GRID2: variants seen among roughly 807,000 people sequenced by gnomAD.
The protein encoded by GRID2 is glutamate ionotropic receptor delta type subunit 2, also known as glutamate receptor ionotropic, delta-2.
A neutral mutation model predicts 114.8 loss-of-function variants in GRID2; 33 were observed. That is an observed-to-expected ratio of 0.29 (90% CI 0.22 to 0.38). The LOEUF is 0.38. GRID2 is among the 10% of genes least tolerant of loss of function. The probability of loss-of-function intolerance (pLI) is 1.00; values close to 1 mark genes in which losing one functional copy is unlikely to be tolerated. For synonymous variants in GRID2, 505 were observed against 449.9 expected (o/e 1.12, Z -1.55); for missense variants, 1,184 against 1,257.7 (o/e 0.94, Z 0.89).
chr4:93,423,841 T>C (rs540824749), intron 10 of GRID2, among the ~76,000 whole-genome samples: 1 of 152,152 alleles, frequency 6.6e-6, no homozygotes, highest in African/African-American at 2.4e-5. Flanking sequence ...ATAGTTGGGT[T>C]TAGGTTTATA....
At chr4:93,244,300 A>G (rs1747885001) in intron 8 of GRID2, among the ~76,000 whole-genome samples, 1 of 151,808 alleles carries the variant, frequency 6.6e-6, no homozygotes, top group Admixed American at 6.6e-5. Flanking sequence ...TCTTCATAAA[A>G]GTGTTTTCTC....
intron 1 of GRID2, among the ~76,000 whole-genome samples, chr4:92,477,804 CATTA>C (rs1404157627): frequency 6.8e-6 from 1 of 146,670 alleles, no homozygotes; most frequent in East Asian, 1.9e-4. Context: ...ACATATAATA[CATTA>C]ATATAATTAA....
At chr4:93,050,397 A>T (rs1383544727) in intron 2 of GRID2, among the ~76,000 whole-genome samples, 1 of 151,940 alleles carries the variant, frequency 6.6e-6, no homozygotes, top group African/African-American at 2.4e-5. Context: ...TTAATCATGA[A>T]TGCAAATAAA....
At chr4:92,805,303 A>G (rs112716377) in intron 2 of GRID2, among the ~76,000 whole-genome samples, 14 of 152,092 alleles carry the variant, frequency 9.2e-5, no homozygotes, top group African/African-American at 3.4e-4. Flanking sequence ...CATAAATAAA[A>G]TAAATGGATT....
chr4:93,145,453 G>T (rs186368183), intron 4 of GRID2, among the ~76,000 whole-genome samples: 1 of 140,222 alleles, frequency 7.1e-6, no homozygotes, highest in East Asian at 2.1e-4. Context: ...ATTTGTATTT[G>T]TATTTATTTA....
intron 2 of GRID2, among the ~76,000 whole-genome samples, chr4:92,778,931 A>G (rs909321383): frequency 2.0e-5 from 3 of 152,090 alleles, no homozygotes; most frequent in Non-Finnish European, 4.4e-5. Flanking sequence ...TGGTGAATTG[A>G]CAGGTTACCA....
At chr4:92,564,202 G>A (rs866658020) in intron 1 of GRID2, among the ~76,000 whole-genome samples, 36 of 151,706 alleles carry the variant, frequency 2.4e-4, no homozygotes, top group African/African-American at 8.2e-4. Context: ...CATCCATATG[G>A]GGAAAAATAA....
At chr4:92,622,814 G>A (rs1342871423) in intron 2 of GRID2, among the ~76,000 whole-genome samples, 1 of 151,458 alleles carries the variant, frequency 6.6e-6, no homozygotes, top group Non-Finnish European at 1.5e-5. Flanking sequence ...TGTAAAATGG[G>A]GATAAAAATA....
chr4:93,787,537 C>T (rs1734615820), intron 1 of GRID2, among the ~76,000 whole-genome samples: 1 of 152,092 alleles, frequency 6.6e-6, no homozygotes, highest in Non-Finnish European at 1.5e-5. Flanking sequence ...CCCTAACATC[C>T]CCCATTTACC....
chr4:93,243,791 T>G (rs1398623787), intron 8 of GRID2, among the ~76,000 whole-genome samples: 1 of 152,106 alleles, frequency 6.6e-6, no homozygotes, highest in African/African-American at 2.4e-5. Context: ...GTTCTTCTAT[T>G]TTGTCATAAG....
At chr4:93,397,202 T>C (rs1765414722) in intron 9 of GRID2, among the ~76,000 whole-genome samples, 2 of 152,028 alleles carry the variant, frequency 1.3e-5, no homozygotes, top group Admixed American at 1.3e-4. Context: ...TATTCTTCTT[T>C]TTTTGTGGCC....
intron 9 of GRID2, among the ~76,000 whole-genome samples, chr4:93,406,350 A>G (rs758252559): frequency 6.6e-6 from 1 of 152,218 alleles, no homozygotes; most frequent in Non-Finnish European, 1.5e-5. Flanking sequence ...GTATGGATCC[A>G]AAACAGAACT....
At chr4:92,753,501 G>C (rs1197009749) in intron 2 of GRID2, among the ~76,000 whole-genome samples, 3 of 152,188 alleles carry the variant, frequency 2.0e-5, no homozygotes, top group African/African-American at 7.2e-5. Flanking sequence ...TGTTTTCATA[G>C]AGTGGCGTTT....
At chr4:93,614,082 C>T (rs1307303923) in intron 13 of GRID2, among the ~76,000 whole-genome samples, 3 of 152,038 alleles carry the variant, frequency 2.0e-5, no homozygotes, top group East Asian at 1.9e-4. Context: ...TTTCCAGGTG[C>T]GTCCGTCACC....
At chr4:93,746,895 AT>A (rs1300825302) in intron 14 of GRID2, among the ~76,000 whole-genome samples, 1 of 152,104 alleles carries the variant, frequency 6.6e-6, no homozygotes, top group Non-Finnish European at 1.5e-5. Flanking sequence ...ACTCTTTTTT[AT>A]AGATATAAGT....
chr4:92,939,576 C>A (rs1750937276), intron 2 of GRID2, among the ~76,000 whole-genome samples: 1 of 147,184 alleles, frequency 6.8e-6, no homozygotes, highest in South Asian at 2.3e-4. Flanking sequence ...TTAATGAGAT[C>A]CCATTTGTCA....
intron 2 of GRID2, among the ~76,000 whole-genome samples, chr4:92,761,520 G>A (rs1028546338): frequency 1.3e-5 from 2 of 152,080 alleles, no homozygotes; most frequent in African/African-American, 2.4e-5. Context: ...GGTTATTTGA[G>A]GTCAAAAGTG....
chr4:92,555,943 T>C (rs1726828805), intron 1 of GRID2, among the ~76,000 whole-genome samples: 1 of 152,142 alleles, frequency 6.6e-6, no homozygotes, highest in South Asian at 2.1e-4. Context: ...AGAGAATTCC[T>C]AGATTTCAAA....
At chr4:92,386,676 G>T (rs1178126848) in intron 1 of GRID2, among the ~76,000 whole-genome samples, 1 of 151,784 alleles carries the variant, frequency 6.6e-6, no homozygotes, top group Admixed American at 6.6e-5. Context: ...AAAGACATCT[G>T]TATTGCTTCT....
Sources: gnomAD v4.1 joint callset for allele counts (sites outside exome capture counted in the v4.1 genomes callset) on GRCh38, gnomAD v4.1.1 for gene constraint, MANE v1.5 for transcripts, NCBI Gene and HGNC (gene_info 2026-07-23, HGNC 2026-07-21) for gene names.